Variants in RIMBP2 observed in about 807,000 individuals in gnomAD.
The protein encoded by RIMBP2 is RIMS binding protein 2.
In RIMBP2, 48 loss-of-function variants were observed where a neutral mutation model predicts 118.6. That is an observed-to-expected ratio of 0.40 (90% CI 0.32 to 0.51). The LOEUF (loss-of-function observed/expected upper bound fraction) is 0.51. Ranked by LOEUF, RIMBP2 falls within the 20% of genes least tolerant of loss-of-function variation. The probability of loss-of-function intolerance (pLI) is 0.41; values close to 1 mark genes in which losing one functional copy is unlikely to be tolerated. For synonymous variants in RIMBP2, 762 were observed against 742.9 expected, an observed-to-expected ratio of 1.03 and a Z score of -0.42; for missense variants, 1,551 against 1,768.3, an observed-to-expected ratio of 0.88 and a Z score of 2.20.
chr12:130,478,095 TG>T (rs369665080), intron 5 of RIMBP2, among the ~76,000 whole-genome samples: 10 of 152,212 alleles, frequency 6.6e-5, no homozygotes, highest in African/African-American at 2.4e-4. Context: ...GGCTGAGGAC[TG>T]GAGTGGGGTG....
At chr12:130,484,137 C>T (rs1326262144) in intron 4 of RIMBP2, among the ~76,000 whole-genome samples, 1 of 152,142 alleles carries the variant, frequency 6.6e-6, no homozygotes, top group African/African-American at 2.4e-5. Flanking sequence ...AGCCCGATGC[C>T]CCCCGAAGTG....
chr12:130,700,700 T>G (rs1228922809), intron 1 of RIMBP2, among the ~76,000 whole-genome samples: 1 of 152,204 alleles, frequency 6.6e-6, no homozygotes, highest in Non-Finnish European at 1.5e-5. Flanking sequence ...ACTTTCGCGT[T>G]CAGAACTGGG....
chr12:130,664,445 A>ACC (rs1292163356), intron 1 of RIMBP2, among the ~76,000 whole-genome samples: 2 of 104,996 alleles, frequency 1.9e-5, no homozygotes, highest in Non-Finnish European at 4.4e-5. Flanking sequence ...GCACGCACAC[A>ACC]CGCACACACA....
intron 1 of RIMBP2, among the ~76,000 whole-genome samples, chr12:130,699,342 C>A (rs569612254): frequency 3.9e-5 from 6 of 152,038 alleles, no homozygotes; most frequent in African/African-American, 1.4e-4. Flanking sequence ...TGTCCAACAA[C>A]AATAGACTGG....
chr12:130,645,865 T>C (rs1244346152), intron 1 of RIMBP2, among the ~76,000 whole-genome samples: 2 of 152,150 alleles, frequency 1.3e-5, no homozygotes, highest in Non-Finnish European at 2.9e-5. Flanking sequence ...AACCAACTCT[T>C]TACAGTTTAG....
chr12:130,468,904 C>T (rs2080757033), intron 6 of RIMBP2: 1 of 152,196 alleles, frequency 6.6e-6, no homozygotes, highest in Non-Finnish European at 1.5e-5. Flanking sequence ...CTGCGCAGCA[C>T]CTCAGCGAGC....
At chr12:130,612,871 C>T (rs1158938328) in intron 2 of RIMBP2, among the ~76,000 whole-genome samples, 2 of 152,062 alleles carry the variant, frequency 1.3e-5, no homozygotes, top group African/African-American at 4.8e-5. Flanking sequence ...AGAGAGAGTC[C>T]GGATGGGTAA....
At chr12:130,428,400 A>G (rs1464170375) in intron 14 of RIMBP2, 63 bp from the exon 15 acceptor site, 5 of 1,529,188 alleles carry the variant, frequency 3.3e-6, no homozygotes, top group Non-Finnish European at 4.4e-6. Flanking sequence ...AAGAGGCCAG[A>G]TTGAGCTTGC....
chr12:130,649,288 C>T lies in RIMBP2; in HGVS notation c.-351-20832G>A, dbSNP rs772140049. 1.1e-4 allele frequency among the ~76,000 whole-genome samples: 12 copies of T among 109,548 alleles called. 1 individual carries two copies. Among genetic ancestry groups the T allele is most frequent in the African/African-American group, 2.0e-4 (7 of 35,820 alleles). The allele number at this position is 109,548 out of a possible 152,430, so 71.9% of individuals were successfully genotyped here. On this transcript the variant is annotated intron_variant, in intron 1 of 22. Transcript: ENST00000690449. Reference sequence around the variant, plus strand: ...CGACGTACGTTTCTCTCCTCCTCAGCGGAGAGATGAGTGCTCCCGGCCGGA... The same window carrying T: ...CGACGTACGTTTCTCTCCTCCTCAGTGGAGAGATGAGTGCTCCCGGCCGGA...
At chr12:130,524,946 T>C (rs1029235838) in intron 2 of RIMBP2, among the ~76,000 whole-genome samples, 3 of 152,094 alleles carry the variant, frequency 2.0e-5, no homozygotes, top group African/African-American at 7.2e-5. Context: ...CGCTGGGGCT[T>C]GGTGAGTGTG....
At chr12:130,562,114 A>G (rs1382673437) in intron 2 of RIMBP2, among the ~76,000 whole-genome samples, 1 of 152,214 alleles carries the variant, frequency 6.6e-6, no homozygotes, top group Non-Finnish European at 1.5e-5. Context: ...AAGTTTTAAA[A>G]TATATATCCA....
In RIMBP2 at chr12:130,442,206, G is replaced by A. The variant is rs866853838; in HGVS notation, c.1146C>T (p.Arg382=). ...TGCTGGTGACGCACTGCACGGAGAT[G>A]CGGTAGGTGCAGGCTGCCATGTTGA... ...EKLNMAACTY[R]ISVQCVTSRG... Residue 382 remains arginine, a synonymous_variant, in exon 11 of 23, where the codon CGC becomes CGT. Transcript: ENST00000690449. The surrounding 1 kb of genome is among the most constrained non-coding windows in gnomAD (Gnocchi z 6.9). The A allele has an allele frequency of 6.2e-7, 1 of 1,614,198 alleles. No homozygotes were observed. The highest frequency in any genetic ancestry group is 1.1e-5 in the South Asian group (1 of 91,088).
intron 2 of RIMBP2, among the ~76,000 whole-genome samples, chr12:130,601,362 C>CAAAAAAAAAAAAAAAAAAAAAAAAA (rs2059875190): frequency 1.1e-5 from 1 of 92,238 alleles, no homozygotes. Flanking sequence ...AAAAAAAAAG[C>CAAAAAAAAAAAAAAAAAAAAAAAAA]AAACCGGCTG....
chr12:130,654,734 T>C (rs527791740), intron 1 of RIMBP2, among the ~76,000 whole-genome samples: 1 of 152,356 alleles, frequency 6.6e-6, no homozygotes, highest in South Asian at 2.1e-4. Context: ...GAAAACAGAC[T>C]TGATTGGCTC....
At chr12:130,685,609 G>A (rs949721583) in intron 1 of RIMBP2, among the ~76,000 whole-genome samples, 1 of 152,146 alleles carries the variant, frequency 6.6e-6, no homozygotes, top group Non-Finnish European at 1.5e-5. Context: ...AGGGAGCCGT[G>A]TGGCCGCCGT....
chr12:130,593,396 T>G (rs73456761), intron 2 of RIMBP2, among the ~76,000 whole-genome samples: 2,878 of 152,322 alleles, frequency 0.019, 101 homozygotes, highest in African/African-American at 0.067. Context: ...GGAAGACGCT[T>G]GAGAAACACT....
At chr12:130,656,693 C>G (rs76023613) in intron 1 of RIMBP2, among the ~76,000 whole-genome samples, 3,753 of 152,186 alleles carry the variant, frequency 0.025, 78 homozygotes, top group Middle Eastern at 0.061. Flanking sequence ...CCAAACTTCC[C>G]CTTTCTAAAA....
intron 2 of RIMBP2, among the ~76,000 whole-genome samples, chr12:130,557,007 C>T (rs2056420871): frequency 6.6e-6 from 1 of 152,112 alleles, no homozygotes; most frequent in Admixed American, 6.5e-5. Flanking sequence ...AGTCCTAACC[C>T]CCAGTGCCTC....
chr12:130,500,137 C>T (rs1272490180), intron 4 of RIMBP2, among the ~76,000 whole-genome samples: 1 of 152,100 alleles, frequency 6.6e-6, no homozygotes, highest in Non-Finnish European at 1.5e-5. Flanking sequence ...CTTGGCAGCC[C>T]CCATAATACG....
Sources: allele counts gnomAD v4.1 joint callset (sites outside exome capture counted in the v4.1 genomes callset), GRCh38; gene constraint gnomAD v4.1.1; non-coding constraint Gnocchi (gnomAD v3.1); transcripts MANE v1.5; gene names NCBI Gene and HGNC (gene_info 2026-07-23, HGNC 2026-07-21).